The following CUBN variants were observed in gnomAD, a reference collection of about 807,000 sequenced individuals.
The protein encoded by CUBN is 460 kDa receptor.
CUBN carries 282 observed loss-of-function variants against 405.3 expected under a neutral mutation model. That is an observed-to-expected ratio of 0.70 (90% CI 0.63 to 0.77). The LOEUF (loss-of-function observed/expected upper bound fraction) is 0.77. CUBN is among the 30% of genes least tolerant of loss of function. CUBN has a pLI of 0.00. For missense variants in CUBN, 4,514 were observed against 4,475.2 expected (o/e 1.01, Z -0.25); for synonymous variants, 1,684 against 1,617.0 (o/e 1.04, Z -0.99).
chr10:16,971,153 T>C (rs1233050162), intron 31 of CUBN, among the ~76,000 whole-genome samples: 1 of 152,246 alleles, frequency 6.6e-6, no homozygotes, highest in Non-Finnish European at 1.5e-5. Flanking sequence ...GGCAACTGAA[T>C]ATTTTTCTCT....
chr10:17,117,771 A>G (rs1412481415), intron 6 of CUBN, among the ~76,000 whole-genome samples: 1 of 152,060 alleles, frequency 6.6e-6, no homozygotes, highest in African/African-American at 2.4e-5. Flanking sequence ...TCTATTTTCT[A>G]TGTCTGGGAG....
At chr10:16,922,477 G>C (rs1259817194) in intron 43 of CUBN, among the ~76,000 whole-genome samples, 1 of 152,134 alleles carries the variant, frequency 6.6e-6, no homozygotes, top group Non-Finnish European at 1.5e-5. Context: ...AGCTACATTA[G>C]TGTTTTTAAT....
At chr10:17,110,591 G>A (rs1040150354) in intron 9 of CUBN, among the ~76,000 whole-genome samples, 7 of 151,838 alleles carry the variant, frequency 4.6e-5, no homozygotes, top group Non-Finnish European at 1.0e-4. Context: ...GCAATGGTGC[G>A]ATCTCAGCTC....
At chr10:16,901,608 C>G in intron 51 of CUBN, 149 bp from the exon 52 acceptor site, 1 of 1,074,898 alleles carries the variant, frequency 9.3e-7, no homozygotes, top group Non-Finnish European at 1.4e-6. Context: ...AATACCAGCA[C>G]TTTGGGAGGC....
At chr10:17,022,870 C>A (rs1346375115) in intron 27 of CUBN, among the ~76,000 whole-genome samples, 1 of 152,172 alleles carries the variant, frequency 6.6e-6, no homozygotes, top group Non-Finnish European at 1.5e-5. Context: ...TTCTGTCAGG[C>A]CTCTGAGCCC....
At chr10:16,930,905 G>A (rs1842344512) in intron 40 of CUBN, among the ~76,000 whole-genome samples, 1 of 152,168 alleles carries the variant, frequency 6.6e-6, no homozygotes, top group Non-Finnish European at 1.5e-5. Flanking sequence ...ACATGCTTCT[G>A]CTACTCAGAA....
intron 56 of CUBN, among the ~76,000 whole-genome samples, chr10:16,881,863 ACATATAT>A (rs1840672518): frequency 6.6e-6 from 1 of 152,232 alleles, no homozygotes; most frequent in South Asian, 2.1e-4. Flanking sequence ...TACTTTACAC[ACATATAT>A]CATATTCTAA....
At chr10:16,953,821 A>G (rs948917203) in intron 32 of CUBN, among the ~76,000 whole-genome samples, 4 of 150,230 alleles carry the variant, frequency 2.7e-5, no homozygotes, top group African/African-American at 7.3e-5. Flanking sequence ...ACTGCACTCC[A>G]GCCTGGGTGA....
At chr10:17,041,286 T>G in intron 26 of CUBN, 66 bp from the exon 27 acceptor site, 1 of 1,342,132 alleles carries the variant, frequency 7.5e-7, no homozygotes, top group South Asian at 1.2e-5. Context: ...AGATGAGATT[T>G]TCCTTTAAAA....
chr10:16,836,110 G>A lies in CUBN; in HGVS notation c.10180+125C>T, dbSNP rs1388517985. ...GCTGGGTTCTAGTTAAGAGAGGGAT[G>A]TGGTTTTTGTTAACAAATCCTAATT... On this transcript the variant is annotated intron_variant, in intron 63 of 66. Coordinates refer to ENST00000377833, the MANE Select transcript of CUBN (RefSeq NM_001081.4). 4.3e-6 allele frequency: 4 copies of A among 929,854 alleles called. No homozygotes were observed. The African/African-American group carries it at 4.9e-5, about 11-fold the overall frequency. The allele number at this position is 929,854 out of a possible 1,614,324, so 57.6% of individuals were successfully genotyped here. A position where few individuals can be genotyped will look rare whatever the true frequency, so the allele number is the denominator to read the frequency against.
intron 59 of CUBN, among the ~76,000 whole-genome samples, chr10:16,864,961 T>C (rs1384867573): frequency 8.3e-5 from 11 of 132,086 alleles, no homozygotes; most frequent in African/African-American, 3.2e-4. Context: ...TTTTTTTTTT[T>C]TTTTTTTTTT....
At chr10:17,108,440 T>C (rs558438654) in intron 10 of CUBN, among the ~76,000 whole-genome samples, 1 of 152,110 alleles carries the variant, frequency 6.6e-6, no homozygotes, top group Non-Finnish European at 1.5e-5. Flanking sequence ...TTTCTATATA[T>C]GCAAGTATAT....
At position 17,003,540 on chromosome 10, in the gene CUBN, G is replaced by A. The variant is rs992059987; in HGVS notation, c.4169-13025C>T. 4.6e-5 allele frequency among the ~76,000 whole-genome samples: 7 copies of A among 151,972 alleles called. No individual in the cohort carries two copies. The South Asian group carries it at 6.3e-4, about 14-fold the overall frequency. On this transcript the variant is annotated intron_variant, in intron 28 of 66. Transcript: ENST00000377833. ...ATTTTTTGTTCAATAAAATTTTTTC[G>A]TTCAACAAAAGTTTTTTGTTCAATA...
chr10:17,028,058 A>T (rs1053067879), intron 27 of CUBN, among the ~76,000 whole-genome samples: 4 of 152,046 alleles, frequency 2.6e-5, no homozygotes, highest in Non-Finnish European at 4.4e-5. Flanking sequence ...TCATGTAAAC[A>T]TATGTTTCGA....
At position 17,103,112 on chromosome 10, in the gene CUBN, TTAC is replaced by T; in HGVS notation, c.1530+10_1530+12del. 1 of 1,462,374 alleles carries T rather than the reference TTAC, an allele frequency of 6.8e-7. No homozygotes were observed. The highest frequency in any genetic ancestry group is 9.6e-7 in the Non-Finnish European group (1 of 1,041,876). 90.6% of individuals were successfully genotyped at this position (1,462,374 alleles called of 1,614,324 possible). A position where few individuals can be genotyped will look rare whatever the true frequency, so the allele number is the denominator to read the frequency against. On this transcript the variant is annotated intron_variant, in intron 13 of 66. Coordinates refer to ENST00000377833, the MANE Select transcript of CUBN (RefSeq NM_001081.4). ...AATATAATATGCATTTGGGCAAGAG[TTAC>T]TACATTTACCTTTCCCATTTCAGTT... is the stretch of plus-strand genomic sequence containing the variant.
rs561650547 is a variant in CUBN, at chr10:17,077,279, C to G, written c.2302-5308G>C. Among the ~76,000 whole-genome samples the G allele has an allele frequency of 1.8e-3, 269 of 152,182 alleles. 2 individuals are homozygous for G. The highest frequency in any genetic ancestry group is 2.2e-4 in the Non-Finnish European group (15 of 67,998). On this transcript the variant is annotated intron_variant, in intron 17 of 66. Transcript: ENST00000377833. ...CAATTTTTACATTCATCAGATTAAA[C>G]TAGTTCCAGAAGAGAAACTACTCAT...
At chr10:17,103,943 C>A (rs978182039) in intron 12 of CUBN, among the ~76,000 whole-genome samples, 6 of 151,676 alleles carry the variant, frequency 4.0e-5, no homozygotes, top group Non-Finnish European at 8.8e-5. Flanking sequence ...TTCTAGGGAA[C>A]TAGTGAAAAA....
At chr10:17,120,083 G>A (rs532542339) in intron 6 of CUBN, among the ~76,000 whole-genome samples, 1 of 152,346 alleles carries the variant, frequency 6.6e-6, no homozygotes, top group East Asian at 1.9e-4. Context: ...AGGTCCAGAT[G>A]ATTCTGAGGC....
chr10:16,874,963 G>A (rs1038365388), intron 57 of CUBN, among the ~76,000 whole-genome samples: 1 of 152,120 alleles, frequency 6.6e-6, no homozygotes, highest in Non-Finnish European at 1.5e-5. Flanking sequence ...TCTCCTGTCA[G>A]GGATAGAATA....
Sources: allele counts gnomAD v4.1 joint callset (sites outside exome capture counted in the v4.1 genomes callset), GRCh38; gene constraint gnomAD v4.1.1; transcripts MANE v1.5; gene names NCBI Gene and HGNC (gene_info 2026-07-23, HGNC 2026-07-21).